The following TNIK variants were observed in gnomAD, a reference collection of about 807,000 sequenced individuals.
The protein encoded by TNIK is TRAF2 and NCK-interacting protein kinase.
TNIK carries 49 observed loss-of-function variants against 191.3 expected under a neutral mutation model. The ratio of observed to expected loss-of-function variants is 0.26; its 90% CI spans 0.20 to 0.32. The LOEUF (loss-of-function observed/expected upper bound fraction) is 0.32. TNIK is among the 10% of genes least tolerant of loss of function. The pLI, the probability that TNIK is intolerant of heterozygous loss-of-function variation, is 1.00. For missense variants in TNIK, 1,155 were observed against 1,702.3 expected (o/e 0.68, Z 5.66); for synonymous variants, 594 against 600.9 (o/e 0.99, Z 0.17).
chr3:171,322,839 CTTT>C (rs10617013), intron 2 of TNIK, among the ~76,000 whole-genome samples: 114 of 136,310 alleles, frequency 8.4e-4, no homozygotes, highest in Non-Finnish European at 1.1e-3. Context: ...GTTTTCTTTT[CTTT>C]TTTTTTTTTT....
At chr3:171,415,471 C>G (rs1560043513) in intron 1 of TNIK, among the ~76,000 whole-genome samples, 1 of 152,124 alleles carries the variant, frequency 6.6e-6, no homozygotes, top group Non-Finnish European at 1.5e-5. Flanking sequence ...ATAAATTTCC[C>G]TGTTTAAAAT....
intron 2 of TNIK, among the ~76,000 whole-genome samples, chr3:171,345,711 T>C (rs150039951): frequency 1.3e-3 from 205 of 152,262 alleles, no homozygotes; most frequent in African/African-American, 4.7e-3. Context: ...AAGGTGAAAA[T>C]GGACTTTTTT....
At chr3:171,400,335 C>T (rs923672310) in intron 1 of TNIK, among the ~76,000 whole-genome samples, 6 of 152,134 alleles carry the variant, frequency 3.9e-5, no homozygotes, top group African/African-American at 1.2e-4. Context: ...GAGGCCAAGG[C>T]GAGAGGATTG....
chr3:171,128,804 G>C lies in TNIK; in HGVS notation c.1683C>G (p.Asp561Glu), dbSNP rs1728834712. 6.2e-7 allele frequency: 1 copy of C among 1,604,726 alleles called. No individual in the cohort carries two copies. Among genetic ancestry groups the C allele is most frequent in the African/African-American group, 1.4e-5 (1 of 73,402 alleles). Reference sequence around the variant, plus strand: ...ACTCCGACCTTGGGGGCAGGTTGGGGTCAGATATCCTGTTGGCAACCTTGT... The same window carrying C: ...ACTCCGACCTTGGGGGCAGGTTGGGCTCAGATATCCTGTTGGCAACCTTGT... ...MPHKVANRIS[D>E]PNLPPRSESF... is the part of the protein sequence containing the mutation. The change falls in exon 16 of 33, where the codon GAC becomes GAG. Residue 561 changes from aspartate to glutamate, a missense_variant. Transcript: ENST00000436636.
At chr3:171,258,575 GA>G (rs1747182334) in intron 2 of TNIK, among the ~76,000 whole-genome samples, 1 of 152,122 alleles carries the variant, frequency 6.6e-6, no homozygotes, top group South Asian at 2.1e-4. Context: ...GACCAGTAAA[GA>G]AAAGCCAAGT....
Position 171,120,096 on chromosome 3 carries a change from C to T in TNIK, c.2120+3500G>A, listed in dbSNP as rs116446980. On this transcript the variant is annotated intron_variant, in intron 18 of 32. Coordinates refer to ENST00000436636, the MANE Select transcript of TNIK (RefSeq NM_015028.4). ...TTTTGTCCTCAAGTTACAGGTATACCGTTGCATACTGATCATTTTAATTCA... is the reference window on the plus strand; with the variant it reads ...TTTTGTCCTCAAGTTACAGGTATACTGTTGCATACTGATCATTTTAATTCA... Among the ~76,000 whole-genome samples the T allele has an allele frequency of 7.8e-3, 1,186 of 152,078 alleles. 8 individuals are homozygous for T. Among genetic ancestry groups the T allele is most frequent in the Middle Eastern group, 0.031 (9 of 294 alleles).
intron 9 of TNIK, among the ~76,000 whole-genome samples, chr3:171,173,011 G>C (rs1735507405): frequency 6.6e-6 from 1 of 152,132 alleles, no homozygotes; most frequent in Non-Finnish European, 1.5e-5. Flanking sequence ...TGACACTGTA[G>C]GGCAAGGGCT....
chr3:171,297,259 T>A (rs1003251383), intron 2 of TNIK, among the ~76,000 whole-genome samples: 1 of 152,136 alleles, frequency 6.6e-6, no homozygotes, highest in African/African-American at 2.4e-5. Context: ...TCTCCCCCAT[T>A]GACTCTTCAA....
chr3:171,326,095 A>G (rs114466343), intron 2 of TNIK, among the ~76,000 whole-genome samples: 192 of 152,312 alleles, frequency 1.3e-3, no homozygotes, highest in African/African-American at 4.5e-3. Context: ...AATGTTTCCA[A>G]TATCAAGATT....
chr3:171,441,383 T>A (rs1291489133), intron 1 of TNIK, among the ~76,000 whole-genome samples: 2 of 152,246 alleles, frequency 1.3e-5, no homozygotes, highest in African/African-American at 2.4e-5. Flanking sequence ...TTTCTAGACA[T>A]TTCATATATA....
intron 28 of TNIK, among the ~76,000 whole-genome samples, chr3:171,073,888 G>A (rs1719548000): frequency 1.3e-5 from 2 of 151,768 alleles, no homozygotes; most frequent in Non-Finnish European, 1.5e-5. Flanking sequence ...CAGAGAAAAG[G>A]GAATGCTTAT....
chr3:171,415,372 T>C (rs1305917082), intron 1 of TNIK, among the ~76,000 whole-genome samples: 2 of 152,176 alleles, frequency 1.3e-5, no homozygotes, highest in African/African-American at 4.8e-5. Context: ...GGGCTTTGTA[T>C]TGCTCACCAC....
intron 7 of TNIK, among the ~76,000 whole-genome samples, chr3:171,186,989 G>T (rs1737444550): frequency 6.6e-6 from 1 of 152,158 alleles, no homozygotes. Context: ...TCAGTTGTAG[G>T]CACCCACTTT....
chr3:171,150,074 C>T (rs906881151), intron 12 of TNIK, among the ~76,000 whole-genome samples: 3 of 152,174 alleles, frequency 2.0e-5, no homozygotes, highest in African/African-American at 7.2e-5. Flanking sequence ...GTAAAAAACC[C>T]ACACGATTTT....
intron 1 of TNIK, among the ~76,000 whole-genome samples, chr3:171,448,229 T>C (rs1274692274): frequency 3.9e-5 from 6 of 152,190 alleles, no homozygotes; most frequent in African/African-American, 7.2e-5. Flanking sequence ...TGACTTTTAG[T>C]ATGTTTCACA....
intron 2 of TNIK, among the ~76,000 whole-genome samples, chr3:171,272,093 T>C (rs1354112173): frequency 6.6e-6 from 1 of 152,198 alleles, no homozygotes; most frequent in Non-Finnish European, 1.5e-5. Flanking sequence ...AGGCACTACG[T>C]GATGACAGCG....
intron 18 of TNIK, among the ~76,000 whole-genome samples, chr3:171,118,545 A>G (rs1727123296): frequency 6.6e-6 from 1 of 152,196 alleles, no homozygotes; most frequent in Non-Finnish European, 1.5e-5. Context: ...ACTATACTAC[A>G]AGGCTACAGT....
In TNIK at chr3:171,101,468, T is replaced by A; in HGVS notation, c.2572A>T (p.Ser858Cys). 6.2e-7 allele frequency: 1 copy of A among 1,612,130 alleles called. No homozygotes were observed. Among genetic ancestry groups the A allele is most frequent in the Non-Finnish European group, 8.5e-7 (1 of 1,179,164 alleles). The change falls in exon 22 of 33, where the codon AGC becomes TGC. Residue 858 changes from serine to cysteine, a missense_variant. Ser to Cys is a moderately radical substitution (Grantham distance 112). Around this residue, in one of 3 missense-constraint regions of TNIK, gnomAD observed 735 missense variants for 848.0 expected, o/e 0.87. Transcript: ENST00000436636. ...SETHDGTVAV[S>C]DIPRLIPTGA... ...TCTTACATCAGTCTGGGTATGTCGC[T>A]GACAGCCACTGTCCCATCATGGGTC...
Position 171,138,242 on chromosome 3 carries a change from G to A in TNIK, c.1557C>T (p.Tyr519=), listed in dbSNP as rs1400573053. The A allele has an allele frequency of 1.1e-5, 17 of 1,613,446 alleles. No homozygotes were observed. Among genetic ancestry groups the A allele is most frequent in the Non-Finnish European group, 1.4e-5 (16 of 1,179,776 alleles). The part of the protein sequence containing the change: ...EQRPVEKKPL[Y]HYKEGMSPSE... ...TAGGACTCATTCCTTCTTTGTAATG[G>A]TACAGTGGCTTCTTCTCCACAGGCC... The change falls in exon 15 of 33, where the codon TAC becomes TAT. Residue 519 remains tyrosine (Y), a synonymous_variant. Coordinates refer to ENST00000436636, the MANE Select transcript of TNIK (RefSeq NM_015028.4).
Sources: allele counts gnomAD v4.1 joint callset (sites outside exome capture counted in the v4.1 genomes callset), GRCh38; gene constraint gnomAD v4.1.1; regional missense constraint gnomAD v4.1.1; transcripts MANE v1.5; gene names NCBI Gene and HGNC (gene_info 2026-07-23, HGNC 2026-07-21).